Variants in ALPK1 observed in about 807,000 individuals in gnomAD.
ALPK1 encodes alpha kinase 1, also known as alpha-protein kinase 1.
A neutral mutation model predicts 120.6 loss-of-function variants in ALPK1; 110 were observed. That is an observed-to-expected ratio of 0.91 (90% CI 0.78 to 1.07). The LOEUF (loss-of-function observed/expected upper bound fraction) is 1.07, where lower values mean the gene tolerates loss of function less well. Ranked by LOEUF, ALPK1 falls within the 50% of genes least tolerant of loss-of-function variation. ALPK1 has a pLI of 0.00. For synonymous variants in ALPK1, 582 were observed against 560.3 expected, an observed-to-expected ratio of 1.04 and a Z score of -0.55; for missense variants, 1,498 against 1,483.9, an observed-to-expected ratio of 1.01 and a Z score of -0.16.
intron 5 of ALPK1, among the ~76,000 whole-genome samples, chr4:112,413,529 C>G (rs1733590655): frequency 6.6e-6 from 1 of 152,162 alleles, no homozygotes; most frequent in Admixed American, 6.5e-5. Flanking sequence ...GGTGATGTTC[C>G]CCCCTCAGCC....
rs951680433 is a variant in ALPK1, at chr4:112,300,523, A to G, written c.-153+3054A>G. On this transcript the variant is annotated intron_variant, in intron 1 of 15. Transcript: ENST00000650871. ...TTATTTGGCATACAAATAACCAGCT[A>G]TGTGAAAGAAGAGAGGACGGAGTCT... is the stretch of plus-strand genomic sequence containing the variant. Among the ~76,000 whole-genome samples, 4 of 152,190 alleles carry G rather than the reference A, an allele frequency of 2.6e-5. No homozygotes were observed. The East Asian group carries it at 7.7e-4, about 29-fold the overall frequency.
At chr4:112,386,028 T>C (rs1385311354) in intron 4 of ALPK1, among the ~76,000 whole-genome samples, 1 of 152,180 alleles carries the variant, frequency 6.6e-6, no homozygotes, top group Non-Finnish European at 1.5e-5. Context: ...GAGAACAGAA[T>C]GCTTAAGAAA....
chr4:112,311,993 A>C lies in ALPK1; in HGVS notation c.-152-3808A>C, dbSNP rs533717896. 1.2e-4 allele frequency among the ~76,000 whole-genome samples: 18 copies of C among 152,184 alleles called. No individual in the cohort carries two copies. The South Asian group carries it at 3.7e-3, about 32-fold the overall frequency. On this transcript the variant is annotated intron_variant, in intron 1 of 15. Transcript: ENST00000650871. ...AGGGGGTCACAGTGTTTTTTTTCTA[A>C]ATCATTTCTGAGTACACCTGGGCAT...
chr4:112,393,414 A>G (rs923934594), intron 4 of ALPK1, among the ~76,000 whole-genome samples: 10 of 152,320 alleles, frequency 6.6e-5, no homozygotes, highest in Admixed American at 6.5e-4. Context: ...CAAAACAAAA[A>G]CAAGACAACC....
chr4:112,416,189 C>T (rs767319931), intron 5 of ALPK1, among the ~76,000 whole-genome samples: 1 of 152,114 alleles, frequency 6.6e-6, no homozygotes, highest in South Asian at 2.1e-4. Flanking sequence ...GTTCTGTGAA[C>T]CTTGCTTGAC....
chr4:112,382,082 A>G (rs1731938401), intron 3 of ALPK1, among the ~76,000 whole-genome samples: 1 of 152,078 alleles, frequency 6.6e-6, no homozygotes, highest in African/African-American at 2.4e-5. Context: ...TATTTCCTTC[A>G]TTCCTTTCTC....
chr4:112,323,164 C>T (rs187180501), intron 2 of ALPK1, among the ~76,000 whole-genome samples: 1 of 152,236 alleles, frequency 6.6e-6, no homozygotes, highest in Non-Finnish European at 1.5e-5. Context: ...CTACCCCTTT[C>T]ACTTCCACTG....
intron 4 of ALPK1, among the ~76,000 whole-genome samples, chr4:112,410,577 G>C (rs922999971): frequency 2.6e-5 from 4 of 152,266 alleles, no homozygotes; most frequent in South Asian, 4.1e-4. Flanking sequence ...TGCTTTCTAG[G>C]CTTCATGCAT....
chr4:112,383,287 A>T (rs1434533106), intron 4 of ALPK1: 7 of 149,970 alleles, frequency 4.7e-5, no homozygotes, highest in Admixed American at 2.0e-4. Flanking sequence ...TTGCTAATTT[A>T]TATATATATA....
At chr4:112,309,625 C>T (rs369688131) in intron 1 of ALPK1, among the ~76,000 whole-genome samples, 1 of 152,102 alleles carries the variant, frequency 6.6e-6, no homozygotes, top group African/African-American at 2.4e-5. Flanking sequence ...GCATTGCTCA[C>T]GCTGGGAGCT....
chr4:112,431,529 C>G lies in ALPK1; in HGVS notation c.1982C>G (p.Ser661Cys). Residue 661 changes from serine to cysteine, a missense_variant, in exon 11 of 16, where the codon TCT (serine) becomes TGT (cysteine). Coordinates refer to ENST00000650871, the MANE Select transcript of ALPK1 (RefSeq NM_025144.4). ...QEPNNDNLEP[S>C]QNQPQQQMPL... ...CCCAACAATGACAATTTGGAGCCTT[C>G]TCAAAATCAGCCACAGCAACAGATG... 6.2e-7 allele frequency: 1 copy of G among 1,614,240 alleles called. No homozygotes were observed. Among genetic ancestry groups the G allele is most frequent in the Non-Finnish European group, 8.5e-7 (1 of 1,180,040 alleles).
intron 2 of ALPK1, among the ~76,000 whole-genome samples, chr4:112,333,934 GT>G (rs139191739): frequency 1.1e-4 from 17 of 148,766 alleles, no homozygotes; most frequent in Admixed American, 3.3e-4. Flanking sequence ...TGTTTTTTGT[GT>G]TTTTTTTTGG....
chr4:112,303,923 C>T (rs371715763), intron 1 of ALPK1, among the ~76,000 whole-genome samples: 7 of 152,062 alleles, frequency 4.6e-5, no homozygotes, highest in South Asian at 2.1e-4. Flanking sequence ...CTACAAGCCC[C>T]GGTGTGTGAT....
intron 4 of ALPK1, among the ~76,000 whole-genome samples, chr4:112,407,343 C>G (rs7681735): frequency 0.49 from 74,165 of 152,006 alleles, 18,682 homozygotes; most frequent in African/African-American, 0.62. Flanking sequence ...ACCAGGAACA[C>G]TGGCTTATGC....
At chr4:112,326,894 G>C (rs1729140935) in intron 2 of ALPK1, among the ~76,000 whole-genome samples, 1 of 152,138 alleles carries the variant, frequency 6.6e-6, no homozygotes, top group South Asian at 2.1e-4. Flanking sequence ...AGGAAGAGTG[G>C]GTTACAGTTT....
chr4:112,399,452 CAA>C (rs141326490), intron 4 of ALPK1, among the ~76,000 whole-genome samples: 6,399 of 152,178 alleles, frequency 0.042, 197 homozygotes, highest in South Asian at 0.15. Flanking sequence ...TATAGATTTA[CAA>C]AAGAGTGGCA....
At position 112,425,430 on chromosome 4, in the gene ALPK1, G is replaced by A. The variant is rs1399544145; in HGVS notation, c.536-235G>A. The A allele has an allele frequency of 9.7e-6, 3 of 309,206 alleles. No homozygotes were observed. In the Admixed American group the frequency reaches 1.4e-4, roughly 14 times the overall value. The allele number at this position is 309,206 out of a possible 1,614,324, so 19.2% of individuals were successfully genotyped here. On this transcript the variant is annotated intron_variant, in intron 6 of 15. Coordinates refer to ENST00000650871, the MANE Select transcript of ALPK1 (RefSeq NM_025144.4). ...CAAGAGGCCAGCCCTATAACAAGGA[G>A]GCAAAATAAAGTAGAGTGGACAGAG...
intron 1 of ALPK1, among the ~76,000 whole-genome samples, chr4:112,307,033 T>G (rs1465629198): frequency 1.3e-5 from 2 of 152,142 alleles, no homozygotes; most frequent in Non-Finnish European, 2.9e-5. Context: ...AAGAGCAGGT[T>G]GTTCAGTTTC....
intron 3 of ALPK1, among the ~76,000 whole-genome samples, chr4:112,380,497 C>T (rs1018122191): frequency 1.3e-5 from 2 of 152,156 alleles, no homozygotes; most frequent in African/African-American, 4.8e-5. Context: ...GTGATATCCC[C>T]TCAATGCCAA....
Sources: gnomAD v4.1 joint callset for allele counts (sites outside exome capture counted in the v4.1 genomes callset) on GRCh38, gnomAD v4.1.1 for gene constraint, MANE v1.5 for transcripts, NCBI Gene and HGNC (gene_info 2026-07-23, HGNC 2026-07-21) for gene names.